ZNF148: variants seen among roughly 807,000 people sequenced by gnomAD.
The protein encoded by ZNF148 is zinc finger protein 148.
A neutral mutation model predicts 67.7 loss-of-function variants in ZNF148; 7 were observed. The ratio of observed to expected loss-of-function variants is 0.10; its 90% CI spans 0.06 to 0.19. The LOEUF is 0.19. Ranked by LOEUF, ZNF148 falls within the 10% of genes least tolerant of loss-of-function variation. The pLI is 1.00. For synonymous variants in ZNF148, 333 were observed against 330.7 expected, an observed-to-expected ratio of 1.01 and a Z score of -0.08; for missense variants, 583 against 947.1, an observed-to-expected ratio of 0.62 and a Z score of 5.05.
chr3:125,337,952 T>G (rs1000507241), intron 1 of ZNF148, among the ~76,000 whole-genome samples: 1 of 149,030 alleles, frequency 6.7e-6, no homozygotes, highest in African/African-American at 2.5e-5. Context: ...AAAAAAAAAT[T>G]TTTTTTGTTA....
chr3:125,344,590 C>A (rs1941866331), intron 1 of ZNF148: 1 of 845,948 alleles, frequency 1.2e-6, no homozygotes, highest in East Asian at 2.5e-5. Flanking sequence ...TCCTTCTTTG[C>A]CACCATTTAA....
chr3:125,244,221 T>C (rs1265521840), intron 7 of ZNF148, among the ~76,000 whole-genome samples: 3 of 152,170 alleles, frequency 2.0e-5, no homozygotes, highest in Non-Finnish European at 1.5e-5. Flanking sequence ...AACTCTGACA[T>C]TGCACACAAT....
chr3:125,261,529 A>G (rs1400888706), intron 7 of ZNF148, among the ~76,000 whole-genome samples: 3 of 152,230 alleles, frequency 2.0e-5, no homozygotes, highest in Non-Finnish European at 4.4e-5. Flanking sequence ...TTAAATAAGG[A>G]AAATGAAGAT....
intron 6 of ZNF148, among the ~76,000 whole-genome samples, chr3:125,278,229 G>A (rs1938178293): frequency 6.6e-6 from 1 of 152,028 alleles, no homozygotes; most frequent in Non-Finnish European, 1.5e-5. Context: ...ATTTTCTTCA[G>A]AACCTTCAGA....
intron 2 of ZNF148, among the ~76,000 whole-genome samples, chr3:125,325,304 T>A (rs1369673221): frequency 6.6e-6 from 1 of 151,026 alleles, no homozygotes; most frequent in Admixed American, 6.6e-5. Context: ...ATAGAAACCA[T>A]CCACTCTGAA....
intron 4 of ZNF148, among the ~76,000 whole-genome samples, chr3:125,303,044 T>C (rs2107653396): frequency 6.6e-6 from 1 of 152,350 alleles, no homozygotes; most frequent in Non-Finnish European, 1.5e-5. Context: ...AAGAAATTAC[T>C]GATACATGCA....
chr3:125,328,447 A>G (rs1402257085), intron 2 of ZNF148, among the ~76,000 whole-genome samples: 1 of 152,216 alleles, frequency 6.6e-6, no homozygotes, highest in Non-Finnish European at 1.5e-5. Context: ...TACTCTAATT[A>G]GCCAGATTTG....
intron 1 of ZNF148, among the ~76,000 whole-genome samples, chr3:125,365,241 G>A (rs1416671467): frequency 6.6e-6 from 1 of 152,030 alleles, no homozygotes; most frequent in Non-Finnish European, 1.5e-5. Context: ...ATAAATTCTG[G>A]CAGTCCATTG....
intron 7 of ZNF148, among the ~76,000 whole-genome samples, chr3:125,236,725 T>C (rs1348400051): frequency 6.6e-6 from 1 of 152,206 alleles, no homozygotes; most frequent in Admixed American, 6.5e-5. Flanking sequence ...TTTTGAGCTG[T>C]GCTCTTTCAA....
chr3:125,264,451 A>G (rs1052032625), intron 7 of ZNF148, among the ~76,000 whole-genome samples: 3 of 152,182 alleles, frequency 2.0e-5, no homozygotes, highest in African/African-American at 7.2e-5. Flanking sequence ...AAAAACCCAC[A>G]CACTTGGTGT....
At chr3:125,276,215 T>A (rs1406162667) in intron 7 of ZNF148, among the ~76,000 whole-genome samples, 2 of 152,188 alleles carry the variant, frequency 1.3e-5, no homozygotes, top group Non-Finnish European at 2.9e-5. Flanking sequence ...CAGGTTTTAT[T>A]GTTATATAGG....
chr3:125,276,032 G>GTT (rs2107602833), intron 7 of ZNF148, among the ~76,000 whole-genome samples: 1 of 152,178 alleles, frequency 6.6e-6, no homozygotes, highest in East Asian at 1.9e-4. Flanking sequence ...TTCCACGTCT[G>GTT]TTTTTCCACA....
intron 1 of ZNF148, among the ~76,000 whole-genome samples, chr3:125,342,878 T>G (rs2107738927): frequency 6.6e-6 from 1 of 152,286 alleles, no homozygotes; most frequent in Admixed American, 6.5e-5. Context: ...ACACTTCTGT[T>G]GAAGTATAAA....
intron 7 of ZNF148, among the ~76,000 whole-genome samples, chr3:125,274,135 G>T (rs145819575): frequency 6.6e-6 from 1 of 152,178 alleles, no homozygotes; most frequent in East Asian, 1.9e-4. Flanking sequence ...CAAGGAAAGG[G>T]CACGTCAGAC....
At chr3:125,307,144 C>T (rs1359369129) in intron 4 of ZNF148, among the ~76,000 whole-genome samples, 1 of 151,438 alleles carries the variant, frequency 6.6e-6, no homozygotes, top group Non-Finnish European at 1.5e-5. Flanking sequence ...GAAAAAAGGA[C>T]GATACATCAT....
chr3:125,240,269 G>A (rs907940842), intron 7 of ZNF148, among the ~76,000 whole-genome samples: 5 of 152,074 alleles, frequency 3.3e-5, no homozygotes, highest in Non-Finnish European at 5.9e-5. Context: ...TGAGGCAGGC[G>A]GATCACTTAA....
chr3:125,307,416 G>A (rs1425434603), intron 4 of ZNF148, among the ~76,000 whole-genome samples: 2 of 151,554 alleles, frequency 1.3e-5, no homozygotes, highest in Non-Finnish European at 2.9e-5. Flanking sequence ...CCATTCTCCT[G>A]CCTCAGCCTC....
At position 125,322,027 on chromosome 3, in the gene ZNF148, C is replaced by CTTTTT. The variant is rs35879999; in HGVS notation, c.-17+1277_-17+1281dup. Among the ~76,000 whole-genome samples, 59 of 82,900 alleles carry CTTTTT rather than the reference C, an allele frequency of 7.1e-4. 1 individual carries two copies. Among genetic ancestry groups the CTTTTT allele is most frequent in the African/African-American group, 1.0e-3 (21 of 20,364 alleles). 54.4% of individuals were successfully genotyped at this position (82,900 alleles called of 152,430 possible). On this transcript the variant is annotated intron_variant, in intron 3 of 8. Transcript: ENST00000360647. ...AGTTAACTGTTTAAATAATCAACGG[C>CTTTTT]TTTTTTTTTTTTTTTTTTTTTTGAG...
At chr3:125,262,828 G>T (rs1937402050) in intron 7 of ZNF148, among the ~76,000 whole-genome samples, 1 of 152,204 alleles carries the variant, frequency 6.6e-6, no homozygotes, top group African/African-American at 2.4e-5. Context: ...CAGAGCAAAT[G>T]AAGTTCACTA....
Sources: gnomAD v4.1 joint callset for allele counts (sites outside exome capture counted in the v4.1 genomes callset) on GRCh38, gnomAD v4.1.1 for gene constraint, MANE v1.5 for transcripts, NCBI Gene and HGNC (gene_info 2026-07-23, HGNC 2026-07-21) for gene names.